Variants in XPO5 observed in about 807,000 individuals in gnomAD.
XPO5 encodes exportin-5.
Under a neutral mutation model 160.6 loss-of-function variants are expected in XPO5, and 46 were observed. That is an observed-to-expected ratio of 0.29 (90% CI 0.23 to 0.37). The LOEUF (loss-of-function observed/expected upper bound fraction) is 0.37, where lower values mean the gene tolerates loss of function less well. Ranked by LOEUF, XPO5 falls within the 10% of genes least tolerant of loss-of-function variation. XPO5 has a pLI of 1.00. For missense variants in XPO5, 1,090 were observed against 1,463.9 expected (o/e 0.74, Z 4.17); for synonymous variants, 537 against 519.3 (o/e 1.03, Z -0.46).
chr6:43,526,557 G>C (rs1582193582), intron 27 of XPO5, 128 bp downstream of exon 27: 22 of 1,044,512 alleles, frequency 2.1e-5, no homozygotes, highest in Non-Finnish European at 3.0e-5. Context: ...AAGAGGGCTG[G>C]TCCAGAGATG....
chr6:43,549,094 T>TC (rs1795104873), intron 17 of XPO5, among the ~76,000 whole-genome samples: 1 of 152,196 alleles, frequency 6.6e-6, no homozygotes, highest in Non-Finnish European at 1.5e-5. Flanking sequence ...AGATGGAGTT[T>TC]CGCTCGTTGC....
In XPO5 at chr6:43,526,715, G is replaced by A. The variant is rs763474678; in HGVS notation, c.2953C>T (p.His985Tyr). Residue 985 changes from histidine (H) to tyrosine (Y), a missense_variant, in exon 27 of 32, where the codon CAC (histidine) becomes TAC (tyrosine). Transcript: ENST00000265351. ...CCATCTGCTGGGGGAGCACTACTGTGGTCAGCACCCTTCTTTGAAACACAG... is the reference window on the plus strand; with the variant it reads ...CCATCTGCTGGGGGAGCACTACTGTAGTCAGCACCCTTCTTTGAAACACAG... ...VCCVSKKGAD[H>Y]SSAPPADGDD... is the part of the protein sequence containing the mutation. 3 of 1,613,936 alleles carry A rather than the reference G, an allele frequency of 1.9e-6. No individual in the cohort carries two copies. The highest frequency in any genetic ancestry group is 2.5e-6 in the Non-Finnish European group (3 of 1,179,858).
intron 12 of XPO5, among the ~76,000 whole-genome samples, chr6:43,557,141 A>ATCAAGTACTGATAAATGTTGTAACTTGG (rs1219810973): frequency 6.9e-6 from 1 of 145,718 alleles, no homozygotes; most frequent in African/African-American, 2.6e-5. Flanking sequence ...AAAAAAAAAA[A>ATCAAGTACTGATAAATGTTGTAACTTGG]AAAGGCTGGG....
At chr6:43,531,093 C>T (rs1793946349) in intron 22 of XPO5, among the ~76,000 whole-genome samples, 1 of 152,144 alleles carries the variant, frequency 6.6e-6, no homozygotes, top group African/African-American at 2.4e-5. Context: ...TTAGTGAGGC[C>T]AAAGCCCATG....
chr6:43,553,117 C>A (rs1285292757), intron 14 of XPO5, among the ~76,000 whole-genome samples: 1 of 152,098 alleles, frequency 6.6e-6, no homozygotes, highest in Non-Finnish European at 1.5e-5. Context: ...AGTTTGAGAT[C>A]AGCCTGGGCA....
chr6:43,557,519 G>A (rs1306054485), intron 12 of XPO5, among the ~76,000 whole-genome samples: 1 of 152,112 alleles, frequency 6.6e-6, no homozygotes, highest in Non-Finnish European at 1.5e-5. Flanking sequence ...AATAGACCAT[G>A]TATGATTCAA....
At position 43,572,509 on chromosome 6, in the gene XPO5, T is replaced by C. The variant is rs1480854123; in HGVS notation, c.297A>G (p.Ala99=). The C allele has an allele frequency of 6.2e-7, 1 of 1,613,838 alleles. No individual in the cohort carries two copies. The highest frequency in any genetic ancestry group is 1.3e-5 in the African/African-American group (1 of 74,908). ...CTCCCAACCACCCATTCCTTACATT[T>C]GCAATCAGCTCCATGACACTGTTCT... ...YLKNSVMELI[A]NGTLNILEEE... The change falls in exon 3 of 32, where the codon GCA becomes GCG. Residue 99 remains alanine, a synonymous_variant. Transcript: ENST00000265351.
At chr6:43,525,644 C>T (rs1793537671) in intron 28 of XPO5, 195 bp downstream of exon 28, 1 of 595,884 alleles carries the variant, frequency 1.7e-6, no homozygotes, top group African/African-American at 1.9e-5. Context: ...CTGAGAGCTC[C>T]TGCCTATGCT....
Position 43,522,799 on chromosome 6 carries a change from T to C in XPO5, c.*1069A>G, listed in dbSNP as rs1441115031. ...GTTTCTGTATGGATTAACTCTGCCT[T>C]ACGGCCAGTAATAACCTCAGGGCCA... On this transcript the variant is annotated 3_prime_UTR_variant, in exon 32 of 32. Transcript: ENST00000265351. The C allele has an allele frequency of 7.4e-6, 3 of 406,642 alleles. No individual in the cohort carries two copies. Among genetic ancestry groups the C allele is most frequent in the Non-Finnish European group, 1.6e-5 (3 of 184,032 alleles). The allele number at this position is 406,642 out of a possible 1,614,324, so 25.2% of individuals were successfully genotyped here.
At chr6:43,568,012 A>G (rs1470159385) in intron 6 of XPO5, among the ~76,000 whole-genome samples, 1 of 151,062 alleles carries the variant, frequency 6.6e-6, no homozygotes, top group Non-Finnish European at 1.5e-5. Context: ...GTGATCAAAA[A>G]CAGAACAAAG....
intron 9 of XPO5, 72 bp downstream of exon 9, chr6:43,562,175 A>G (rs1762451425): frequency 3.1e-6 from 4 of 1,276,870 alleles, no homozygotes; most frequent in Non-Finnish European, 4.4e-6. Flanking sequence ...GCAACCCCTC[A>G]TTGAAACATA....
In XPO5 at chr6:43,529,142, G is replaced by A. The variant is rs540775608; in HGVS notation, c.2678-217C>T. 228 of 1,290,412 alleles carry A rather than the reference G, an allele frequency of 1.8e-4. 1 individual carries two copies. The highest frequency in any genetic ancestry group is 8.6e-4 in the Middle Eastern group (4 of 4,678). The allele number at this position is 1,290,412 out of a possible 1,614,324, so 79.9% of individuals were successfully genotyped here. ...ATACTCTTAGTTTAGCTGCATTTCC[G>A]TCAGGCTGCACATTATGGTCACTGG... On this transcript the variant is annotated intron_variant, in intron 23 of 31. Coordinates refer to ENST00000265351, the MANE Select transcript of XPO5 (RefSeq NM_020750.3).
intron 12 of XPO5, among the ~76,000 whole-genome samples, chr6:43,556,475 A>G (rs999618655): frequency 6.6e-6 from 1 of 151,326 alleles, no homozygotes; most frequent in African/African-American, 2.4e-5. Flanking sequence ...GTAGTGAGCC[A>G]TGATCGCAGC....
Position 43,575,861 on chromosome 6 carries a change from C to T in XPO5, c.4G>A (p.Ala2Thr). 1 of 1,613,624 alleles carries T rather than the reference C, an allele frequency of 6.2e-7. No homozygotes were observed. Among genetic ancestry groups the T allele is most frequent in the Non-Finnish European group, 8.5e-7 (1 of 1,179,696 alleles). The change falls in exon 1 of 32, where the codon GCG (alanine) becomes ACG (threonine). Residue 2 changes from alanine to threonine, a missense_variant. Physicochemically the swap from Ala to Thr is moderately conservative, Grantham distance 58. Around this residue, in one of 3 missense-constraint regions of XPO5, gnomAD observed 170 missense variants for 227.0 expected, o/e 0.75. Transcript: ENST00000265351. M[A>T]MDQVNALCEQ... ...CACAGCGCGTTTACTTGATCCATCG[C>T]CATGCCTAGCGCCACGCGCCGAGAG...
At position 43,547,630 on chromosome 6, in the gene XPO5, G is replaced by A. The variant is rs781583963; in HGVS notation, c.2138C>T (p.Pro713Leu). The A allele has an allele frequency of 9.3e-6, 15 of 1,613,830 alleles. No individual in the cohort carries two copies. Among genetic ancestry groups the A allele is most frequent in the East Asian group, 4.5e-5 (2 of 44,890 alleles). ...TACTCGTGCACGGTTTAAGCCACAC[G>A]GATCCTCCAGGCCTGGGTCACAGCT... ...QKSCDPGLEDPCGLNRARMSF... is the reference protein window; with the variant it reads ...QKSCDPGLEDLCGLNRARMSF... The change falls in exon 19 of 32, where the codon CCG (proline) becomes CTG (leucine). Residue 713 changes from proline (P) to leucine (L), a missense_variant. By Grantham distance (98) the Pro-to-Leu change is moderately conservative. This residue lies in a region of XPO5 where 810 missense variants were observed against 1,139.0 expected (regional missense o/e 0.71). Transcript: ENST00000265351.
At chr6:43,537,988 G>A (rs1265851588) in intron 20 of XPO5, among the ~76,000 whole-genome samples, 1 of 150,358 alleles carries the variant, frequency 6.7e-6, no homozygotes, top group Non-Finnish European at 1.5e-5. Flanking sequence ...GAGAGGCTGA[G>A]GCAGGAGAAT....
chr6:43,563,067 T>C (rs960148823), intron 8 of XPO5, among the ~76,000 whole-genome samples: 1 of 151,822 alleles, frequency 6.6e-6, no homozygotes. Flanking sequence ...CAACTACTTA[T>C]AATATATAGT....
chr6:43,524,434 AGG>A (rs1793414041), intron 31 of XPO5, 35 bp downstream of exon 31: 1 of 1,596,672 alleles, frequency 6.3e-7, no homozygotes, highest in Non-Finnish European at 8.5e-7. Flanking sequence ...TGATTTAAGA[AGG>A]GGGTTGGGAG....
rs143413223 is a variant in XPO5 at position 43,560,066 on chromosome 6, G to A, written c.1221+112C>T. Reference sequence around the variant, plus strand: ...ACTCCTGGGCTCAAGCGATCCTCCCGCCTCAGCCTTCCATAGAGCTGGGAT... The same window carrying A: ...ACTCCTGGGCTCAAGCGATCCTCCCACCTCAGCCTTCCATAGAGCTGGGAT... On this transcript the variant is annotated intron_variant, in intron 11 of 31. Coordinates refer to ENST00000265351, the MANE Select transcript of XPO5 (RefSeq NM_020750.3). 498 of 1,327,498 alleles carry A rather than the reference G, an allele frequency of 3.8e-4. 6 individuals are homozygous for A. In the African/African-American group the frequency reaches 5.1e-3, roughly 13 times the overall value. 82.2% of individuals were successfully genotyped at this position (1,327,498 alleles called of 1,614,324 possible).
Sources: gnomAD v4.1 joint callset for allele counts (sites outside exome capture counted in the v4.1 genomes callset) on GRCh38, gnomAD v4.1.1 for gene constraint, gnomAD v4.1.1 regional missense constraint, MANE v1.5 for transcripts, NCBI Gene and HGNC (gene_info 2026-07-23, HGNC 2026-07-21) for gene names.